ASTN2: variants seen among roughly 807,000 people sequenced by gnomAD.
The protein encoded by ASTN2 is astrotactin 2.
A neutral mutation model predicts 139.8 loss-of-function variants in ASTN2; 54 were observed. The observed-to-expected ratio is 0.39, with a 90% CI of 0.31 to 0.48. The LOEUF (loss-of-function observed/expected upper bound fraction) is 0.48. Among genes scored for constraint, ASTN2 ranks in the 20% least tolerant of loss-of-function variants. The pLI, the probability that ASTN2 is intolerant of heterozygous loss-of-function variation, is 0.95. For synonymous variants in ASTN2, 756 were observed against 719.5 expected, an observed-to-expected ratio of 1.05 and a Z score of -0.81; for missense variants, 1,565 against 1,725.1, an observed-to-expected ratio of 0.91 and a Z score of 1.64.
At chr9:116,573,854 T>C (rs1431967311) in intron 19 of ASTN2, among the ~76,000 whole-genome samples, 2 of 152,192 alleles carry the variant, frequency 1.3e-5, no homozygotes, top group Non-Finnish European at 2.9e-5. Context: ...TGCCAACTCC[T>C]GTGAGTATGA....
At chr9:116,850,466 T>C (rs1832569359) in intron 11 of ASTN2, among the ~76,000 whole-genome samples, 1 of 152,292 alleles carries the variant, frequency 6.6e-6, no homozygotes, top group African/African-American at 2.4e-5. Flanking sequence ...TGTCATCTAG[T>C]GGTTACTGGA....
At chr9:116,777,655 T>C (rs1270122069) in intron 13 of ASTN2, among the ~76,000 whole-genome samples, 1 of 152,118 alleles carries the variant, frequency 6.6e-6, no homozygotes, top group Non-Finnish European at 1.5e-5. Context: ...ACTGAGAATT[T>C]GCATTTCACC....
intron 20 of ASTN2, among the ~76,000 whole-genome samples, chr9:116,443,551 C>T (rs575491889): frequency 6.6e-6 from 1 of 152,188 alleles, no homozygotes; most frequent in Non-Finnish European, 1.5e-5. Flanking sequence ...ATCCAGAGCA[C>T]ATAATTGTTT....
At chr9:116,847,418 A>G (rs1832472995) in intron 11 of ASTN2, among the ~76,000 whole-genome samples, 1 of 152,080 alleles carries the variant, frequency 6.6e-6, no homozygotes, top group South Asian at 2.1e-4. Context: ...CCAGCTGAGG[A>G]TTTTTATAAG....
chr9:117,348,918 T>A (rs1488614084), intron 1 of ASTN2, among the ~76,000 whole-genome samples: 1 of 147,754 alleles, frequency 6.8e-6, no homozygotes, highest in Admixed American at 6.8e-5. Context: ...TAGCATCTAA[T>A]TGTGTGACTC....
At chr9:117,391,973 C>T (rs992276183) in intron 1 of ASTN2, among the ~76,000 whole-genome samples, 4 of 152,170 alleles carry the variant, frequency 2.6e-5, no homozygotes, top group Non-Finnish European at 5.9e-5. Flanking sequence ...TCCTTTGACT[C>T]CATATCTCAC....
intron 20 of ASTN2, among the ~76,000 whole-genome samples, chr9:116,457,160 A>G (rs1377107531): frequency 6.6e-6 from 1 of 152,208 alleles, no homozygotes; most frequent in Non-Finnish European, 1.5e-5. Flanking sequence ...TATCAAAGAA[A>G]GAAACTAGAG....
chr9:116,702,649 A>AGT (rs1182589941), intron 16 of ASTN2, among the ~76,000 whole-genome samples: 2 of 152,240 alleles, frequency 1.3e-5, no homozygotes, highest in East Asian at 3.9e-4. Flanking sequence ...GAGTCTTCCT[A>AGT]GTGTAGCCCC....
intron 19 of ASTN2, among the ~76,000 whole-genome samples, chr9:116,493,848 T>C (rs1849593585): frequency 6.6e-6 from 1 of 151,852 alleles, no homozygotes; most frequent in African/African-American, 2.4e-5. Flanking sequence ...AGGAGAAAGG[T>C]CCCCAGCTCA....
intron 19 of ASTN2, among the ~76,000 whole-genome samples, chr9:116,616,158 G>C (rs1185303151): frequency 6.6e-6 from 1 of 152,208 alleles, no homozygotes; most frequent in Non-Finnish European, 1.5e-5. Context: ...CATGCATACA[G>C]AAAACTTTAG....
At chr9:116,941,037 T>A (rs188182518) in intron 10 of ASTN2, among the ~76,000 whole-genome samples, 4 of 152,330 alleles carry the variant, frequency 2.6e-5, no homozygotes, top group South Asian at 2.1e-4. Flanking sequence ...GTAGCCTTGA[T>A]GTACAGTAAC....
chr9:117,349,343 T>C (rs1829319838), intron 1 of ASTN2, among the ~76,000 whole-genome samples: 1 of 152,152 alleles, frequency 6.6e-6, no homozygotes, highest in Admixed American at 6.5e-5. Flanking sequence ...CCAGTGTGCA[T>C]GGCTTGCCTC....
chr9:116,468,357 G>A (rs1157177266), intron 20 of ASTN2, among the ~76,000 whole-genome samples: 3 of 152,176 alleles, frequency 2.0e-5, no homozygotes, highest in Non-Finnish European at 4.4e-5. Context: ...TACATAGGAC[G>A]TGTTAGGAGA....
chr9:116,840,306 T>C (rs999746242), intron 11 of ASTN2, among the ~76,000 whole-genome samples: 19 of 151,150 alleles, frequency 1.3e-4, no homozygotes, highest in Non-Finnish European at 2.2e-4. Context: ...ACCATCCGAT[T>C]TCTCAATCTT....
chr9:116,648,508 C>G (rs1238039921), intron 17 of ASTN2, among the ~76,000 whole-genome samples: 1 of 152,104 alleles, frequency 6.6e-6, no homozygotes, highest in Non-Finnish European at 1.5e-5. Context: ...TTCTCACAGT[C>G]TATCCTGACC....
chr9:116,603,382 A>G (rs1855012929), intron 19 of ASTN2, among the ~76,000 whole-genome samples: 1 of 152,214 alleles, frequency 6.6e-6, no homozygotes, highest in South Asian at 2.1e-4. Flanking sequence ...ATGGAACAAT[A>G]TCATGTGAGG....
chr9:116,668,572 C>T (rs1471312263), intron 16 of ASTN2, among the ~76,000 whole-genome samples: 4 of 152,178 alleles, frequency 2.6e-5, no homozygotes, highest in Admixed American at 6.5e-5. Context: ...TTTTATTGCT[C>T]AATATAGTAC....
At chr9:116,486,383 A>G (rs1849339254) in intron 20 of ASTN2, among the ~76,000 whole-genome samples, 1 of 152,240 alleles carries the variant, frequency 6.6e-6, no homozygotes, top group African/African-American at 2.4e-5. Flanking sequence ...GGAATGTAAG[A>G]GCAGGTGAAT....
intron 19 of ASTN2, among the ~76,000 whole-genome samples, chr9:116,510,618 T>G (rs886253839): frequency 3.3e-4 from 50 of 152,350 alleles, no homozygotes; most frequent in Middle Eastern, 3.4e-3. Flanking sequence ...ATGATATTGA[T>G]TCTTCCTATC....
Sources: gnomAD v4.1 joint callset for allele counts (sites outside exome capture counted in the v4.1 genomes callset) on GRCh38, gnomAD v4.1.1 for gene constraint, MANE v1.5 for transcripts, NCBI Gene and HGNC (gene_info 2026-07-23, HGNC 2026-07-21) for gene names.